The following FGGY variants were observed in gnomAD, a reference collection of about 807,000 sequenced individuals.
The protein encoded by FGGY is FGGY carbohydrate kinase domain-containing protein.
Under a neutral mutation model 71.3 loss-of-function variants are expected in FGGY, and 72 were observed. The ratio of observed to expected loss-of-function variants is 1.01; its 90% confidence interval spans 0.84 to 1.23. The LOEUF (loss-of-function observed/expected upper bound fraction) is 1.23. Ranked by LOEUF, FGGY falls within the 50% of genes most tolerant of loss-of-function variation. FGGY has a pLI of 0.00. For synonymous variants in FGGY, 251 were observed against 250.3 expected (o/e 1.00, Z -0.02); for missense variants, 668 against 682.3 (o/e 0.98, Z 0.23).
In FGGY at chr1:59,718,743, G is replaced by A. The variant is rs116613766; in HGVS notation, c.1513-39188G>A. ...CATACCACCCCTTCACCTACACATT[G>A]ACACTCCCCGCTGTATACCATGGGG... is the stretch of plus-strand genomic sequence containing the variant. On this transcript the variant is annotated intron_variant, in intron 14 of 15. Coordinates refer to ENST00000303721, the MANE Select transcript of FGGY (RefSeq NM_018291.5). Among the ~76,000 whole-genome samples, 1,284 of 152,234 alleles carry A rather than the reference G, an allele frequency of 8.4e-3. 11 individuals carry two copies. The highest frequency in any genetic ancestry group is 0.011 in the Non-Finnish European group (714 of 67,998).
chr1:59,563,847 A>G (rs2095833986), intron 8 of FGGY, among the ~76,000 whole-genome samples: 1 of 152,242 alleles, frequency 6.6e-6, no homozygotes, highest in South Asian at 2.1e-4. Flanking sequence ...ACAGATATGT[A>G]GACCCATGGA....
chr1:59,627,246 A>G (rs2096865586), intron 10 of FGGY, among the ~76,000 whole-genome samples: 1 of 151,904 alleles, frequency 6.6e-6, no homozygotes. Flanking sequence ...GGCTAAAGAG[A>G]AAAATAACCA....
chr1:59,726,970 G>A (rs2097955141), intron 14 of FGGY, among the ~76,000 whole-genome samples: 1 of 152,032 alleles, frequency 6.6e-6, no homozygotes, highest in Non-Finnish European at 1.5e-5. Flanking sequence ...GCTAAGGTTT[G>A]GGTACAGATC....
intron 10 of FGGY, among the ~76,000 whole-genome samples, chr1:59,636,549 G>A (rs2096961745): frequency 6.6e-6 from 1 of 152,156 alleles, no homozygotes; most frequent in African/African-American, 2.4e-5. Context: ...CGTGAACCCG[G>A]GAGGCGGAGC....
intron 14 of FGGY, chr1:59,699,422 A>G: frequency 2.0e-6 from 2 of 984,810 alleles, no homozygotes; most frequent in Non-Finnish European, 2.4e-6. Flanking sequence ...TAGTTTTGCA[A>G]TAGTGACACC....
chr1:59,548,865 A>T (rs1289914006), intron 7 of FGGY, among the ~76,000 whole-genome samples: 1 of 152,190 alleles, frequency 6.6e-6, no homozygotes, highest in African/African-American at 2.4e-5. Flanking sequence ...ATTAACATAT[A>T]TAATTTTTAT....
chr1:59,614,414 T>C (rs1572120226), intron 9 of FGGY, among the ~76,000 whole-genome samples: 1 of 152,156 alleles, frequency 6.6e-6, no homozygotes, highest in Non-Finnish European at 1.5e-5. Flanking sequence ...ATTATCTCAA[T>C]AGATGCAGAA....
chr1:59,587,558 G>A (rs569967886), intron 8 of FGGY, among the ~76,000 whole-genome samples: 1 of 152,162 alleles, frequency 6.6e-6, no homozygotes, highest in Non-Finnish European at 1.5e-5. Context: ...AGTAGGGGCA[G>A]ACTGACACCT....
At chr1:59,410,687 A>G (rs72913730) in intron 5 of FGGY, among the ~76,000 whole-genome samples, 3,431 of 152,260 alleles carry the variant, frequency 0.023, 122 homozygotes, top group African/African-American at 0.079. Flanking sequence ...GCCTTTTACA[A>G]TTCTAACAGA....
chr1:59,700,343 T>A (rs2097699644), intron 14 of FGGY, among the ~76,000 whole-genome samples: 1 of 152,214 alleles, frequency 6.6e-6, no homozygotes, highest in Non-Finnish European at 1.5e-5. Flanking sequence ...TGATGTTTTT[T>A]ATATGCCAAG....
chr1:59,318,536 C>T (rs1268523375), intron 1 of FGGY: 1 of 152,216 alleles, frequency 6.6e-6, no homozygotes, highest in Non-Finnish European at 1.5e-5. Context: ...GGAAAGGAAT[C>T]AGAATGTGGG....
In FGGY at chr1:59,423,059, T is replaced by C. The variant is rs1189053208; in HGVS notation, c.555-33902T>C. Among the ~76,000 whole-genome samples the C allele has an allele frequency of 2.0e-5, 3 of 152,202 alleles. No individual in the cohort carries two copies. In the South Asian group the frequency reaches 6.2e-4, roughly 32 times the overall value. ...ACACTCCAGCCTATTTCTCAATTCTTTCTTGGCTCCAGAGGATTGTGTAGC... is the reference window on the plus strand; with the variant it reads ...ACACTCCAGCCTATTTCTCAATTCTCTCTTGGCTCCAGAGGATTGTGTAGC... On this transcript the variant is annotated intron_variant, in intron 5 of 15. Transcript: ENST00000303721.
chr1:59,604,472 C>T (rs557349093), intron 8 of FGGY, among the ~76,000 whole-genome samples: 103 of 152,312 alleles, frequency 6.8e-4, no homozygotes, highest in African/African-American at 2.4e-3. Flanking sequence ...CAACTCAAAA[C>T]TTTCTCCCTG....
intron 4 of FGGY, among the ~76,000 whole-genome samples, chr1:59,374,108 G>A (rs1288623203): frequency 6.6e-6 from 1 of 152,142 alleles, no homozygotes; most frequent in Non-Finnish European, 1.5e-5. Flanking sequence ...CCATCAGAGT[G>A]AACAGGCAAC....
chr1:59,745,742 A>G (rs2098191211), intron 14 of FGGY, among the ~76,000 whole-genome samples: 1 of 152,232 alleles, frequency 6.6e-6, no homozygotes, highest in Admixed American at 6.5e-5. Flanking sequence ...AATGACACAA[A>G]AGATGATGGA....
intron 4 of FGGY, among the ~76,000 whole-genome samples, chr1:59,361,189 GTTCA>G (rs1433001842): frequency 2.6e-5 from 4 of 152,172 alleles, no homozygotes; most frequent in Non-Finnish European, 5.9e-5. Flanking sequence ...GTTCAAGGAC[GTTCA>G]TTCATTCAGC....
chr1:59,437,599 C>G (rs1288980109), intron 5 of FGGY, among the ~76,000 whole-genome samples: 1 of 152,192 alleles, frequency 6.6e-6, no homozygotes, highest in African/African-American at 2.4e-5. Flanking sequence ...CATATTAACA[C>G]TGATATTATA....
chr1:59,719,626 C>T (rs939406552), intron 14 of FGGY, among the ~76,000 whole-genome samples: 5 of 152,186 alleles, frequency 3.3e-5, no homozygotes, highest in African/African-American at 1.2e-4. Context: ...ATTCAACAAA[C>T]ATTTATCGAG....
chr1:59,300,974 T>C (rs2153076959), intron 1 of FGGY, among the ~76,000 whole-genome samples: 1 of 152,344 alleles, frequency 6.6e-6, no homozygotes, highest in East Asian at 1.9e-4. Flanking sequence ...TCCATATGAA[T>C]TTTATAATCA....
Sources: gnomAD v4.1 joint callset for allele counts (sites outside exome capture counted in the v4.1 genomes callset) on GRCh38, gnomAD v4.1.1 for gene constraint, MANE v1.5 for transcripts, NCBI Gene and HGNC (gene_info 2026-07-23, HGNC 2026-07-21) for gene names.